VWA3B: variants seen among roughly 807,000 people sequenced by gnomAD.
VWA3B encodes the protein von Willebrand factor A domain-containing protein 3B.
A neutral mutation model predicts 158.3 loss-of-function variants in VWA3B; 138 were observed. That is an observed-to-expected ratio of 0.87 (90% CI 0.76 to 1.00). VWA3B has a LOEUF of 1.00. Ranked by LOEUF, VWA3B falls within the 50% of genes least tolerant of loss-of-function variation. The pLI, the probability that VWA3B is intolerant of heterozygous loss-of-function variation, is 0.00. For missense variants in VWA3B, 1,555 were observed against 1,565.1 expected (o/e 0.99, Z 0.11); for synonymous variants, 596 against 587.3 (o/e 1.01, Z -0.21).
chr2:98,311,507 A>G (rs943466467), intron 26 of VWA3B, among the ~76,000 whole-genome samples: 4 of 152,226 alleles, frequency 2.6e-5, no homozygotes, highest in African/African-American at 7.2e-5. Context: ...GGGCGGACAC[A>G]GGTCTATGCT....
chr2:98,145,905 A>G lies in VWA3B; in HGVS notation c.988+11966A>G, dbSNP rs574815869. Reference sequence around the variant, plus strand: ...CAGATAATTTTTTATTTTTGCAGAGATTAGGGTTGGGTTTTGGGGGGATCT... The same window carrying G: ...CAGATAATTTTTTATTTTTGCAGAGGTTAGGGTTGGGTTTTGGGGGGATCT... On this transcript the variant is annotated intron_variant, in intron 7 of 27. Coordinates refer to ENST00000477737, the MANE Select transcript of VWA3B (RefSeq NM_144992.5). 1.8e-3 allele frequency among the ~76,000 whole-genome samples: 270 copies of G among 151,894 alleles called. 1 individual carries two copies. The highest frequency in any genetic ancestry group is 6.3e-3 in the African/African-American group (259 of 41,426).
At chr2:98,330,314 G>A in the VWA3B span, among the ~76,000 whole-genome samples, 2 of 152,168 alleles carry the variant, frequency 1.3e-5, no homozygotes, top group Non-Finnish European at 2.9e-5. Context: ...TGGTGGTCCG[G>A]AGACTTATAG....
At chr2:98,131,411 A>G (rs1006379668) in intron 6 of VWA3B, among the ~76,000 whole-genome samples, 2 of 152,234 alleles carry the variant, frequency 1.3e-5, no homozygotes, top group African/African-American at 4.8e-5. Context: ...TAATAAACAC[A>G]GGGTGCAGAT....
the VWA3B span, among the ~76,000 whole-genome samples, chr2:98,320,039 A>G: frequency 6.6e-6 from 1 of 152,146 alleles, no homozygotes; most frequent in Admixed American, 6.5e-5. Context: ...TCCCCACCCA[A>G]ATCTCATCTT....
intron 8 of VWA3B, among the ~76,000 whole-genome samples, chr2:98,170,756 G>A (rs745413768): frequency 2.6e-5 from 4 of 152,032 alleles, no homozygotes; most frequent in African/African-American, 4.8e-5. Context: ...ACAGGTGTGC[G>A]CCACCATGCC....
At chr2:98,163,123 T>G (rs1573950413) in intron 8 of VWA3B, 147 bp downstream of exon 8, 1 of 1,330,444 alleles carries the variant, frequency 7.5e-7, no homozygotes, top group Non-Finnish European at 1.0e-6. Context: ...CTGTGTGGGG[T>G]GAGGGGTGGG....
chr2:98,170,512 G>A (rs1679493642), intron 8 of VWA3B, among the ~76,000 whole-genome samples: 1 of 152,176 alleles, frequency 6.6e-6, no homozygotes, highest in Admixed American at 6.5e-5. Flanking sequence ...TGGAGAGGGG[G>A]ATGGTGCTTA....
chr2:98,116,337 A>AAGT (rs1362538472), intron 3 of VWA3B, among the ~76,000 whole-genome samples: 3 of 152,120 alleles, frequency 2.0e-5, no homozygotes, highest in Non-Finnish European at 4.4e-5. Context: ...TAGAAAATTT[A>AAGT]AGTTACTTTT....
At position 98,222,673 on chromosome 2, in the gene VWA3B, C is replaced by T. The variant is rs1426301903; in HGVS notation, c.2019+4645C>T. Among the ~76,000 whole-genome samples, 4 of 152,278 alleles carry T rather than the reference C, an allele frequency of 2.6e-5. No homozygotes were observed. In the East Asian group the frequency reaches 5.8e-4, roughly 22 times the overall value. On this transcript the variant is annotated intron_variant, in intron 14 of 27. Transcript: ENST00000477737. ...TACCAAGAGACACCTGGAAGCCTGA[C>T]GGAGGGAAACGCCTCCTGTCTCTTC...
intron 2 of VWA3B, among the ~76,000 whole-genome samples, chr2:98,109,308 T>C (rs1673949025): frequency 6.6e-6 from 1 of 152,206 alleles, no homozygotes; most frequent in South Asian, 2.1e-4. Context: ...TTTTCTATTG[T>C]ATATCTTCAT....
At chr2:98,140,536 C>T (rs546145396) in intron 7 of VWA3B, among the ~76,000 whole-genome samples, 3 of 152,278 alleles carry the variant, frequency 2.0e-5, no homozygotes, top group South Asian at 2.1e-4. Context: ...GTGGGTGTTC[C>T]GTTAAGGAGG....
At chr2:98,318,216 A>C (rs1691128280), downstream of VWA3B, among the ~76,000 whole-genome samples, 1 of 152,158 alleles carries the variant, frequency 6.6e-6, no homozygotes, top group African/African-American at 2.4e-5. Flanking sequence ...CAATCCCATT[A>C]CTCGCTTTAT....
chr2:98,240,991 C>A (rs1686040110), intron 19 of VWA3B, among the ~76,000 whole-genome samples: 1 of 152,124 alleles, frequency 6.6e-6, no homozygotes, highest in Admixed American at 6.5e-5. Context: ...AACATTCCTA[C>A]CCAAGCACAA....
chr2:98,130,818 CTCTT>C (rs1277315204), intron 6 of VWA3B, among the ~76,000 whole-genome samples: 2 of 152,212 alleles, frequency 1.3e-5, no homozygotes, highest in Non-Finnish European at 2.9e-5. Context: ...AATCTGATCT[CTCTT>C]TTCGCCACAG....
intron 26 of VWA3B, among the ~76,000 whole-genome samples, chr2:98,307,025 G>T (rs552514105): frequency 6.6e-6 from 1 of 152,332 alleles, no homozygotes; most frequent in African/African-American, 2.4e-5. Flanking sequence ...GTCTGATTTT[G>T]TGTCTGAGCT....
intron 22 of VWA3B, among the ~76,000 whole-genome samples, chr2:98,287,213 C>T (rs1344748325): frequency 6.6e-6 from 1 of 152,066 alleles, no homozygotes; most frequent in African/African-American, 2.4e-5. Context: ...TGTCTGGACC[C>T]TTGTGCCTAT....
At position 98,303,773 on chromosome 2, in the gene VWA3B, G is replaced by A; in HGVS notation, c.3492G>A (p.Lys1164=). 6.2e-7 allele frequency: 1 copy of A among 1,614,112 alleles called. No homozygotes were observed. The highest frequency in any genetic ancestry group is 1.1e-5 in the South Asian group (1 of 91,074). The change falls in exon 26 of 28, where the codon AAG becomes AAA. Residue 1164 remains lysine, a synonymous_variant. Coordinates refer to ENST00000477737, the MANE Select transcript of VWA3B (RefSeq NM_144992.5). ...NKYALSCSHI[K]SPPIPEDPEV... is the part of the protein sequence containing the mutation. The stretch of plus-strand genomic sequence containing the variant: ...ATGCGCTCTCTTGCTCTCATATAAA[G>A]TCACCCCCAATTCCTGAGGATCCAG...
At chr2:98,199,652 G>A (rs1204470441) in intron 12 of VWA3B, among the ~76,000 whole-genome samples, 1 of 152,130 alleles carries the variant, frequency 6.6e-6, no homozygotes, top group African/African-American at 2.4e-5. Flanking sequence ...TCCAGAGTTA[G>A]GTATTATCTT....
chr2:98,189,033 T>C (rs954991504), intron 10 of VWA3B, among the ~76,000 whole-genome samples: 1 of 152,234 alleles, frequency 6.6e-6, no homozygotes, highest in Non-Finnish European at 1.5e-5. Flanking sequence ...GATTTTGATA[T>C]ATTGTATTTC....
Sources: gnomAD v4.1 joint callset for allele counts (sites outside exome capture counted in the v4.1 genomes callset) on GRCh38, gnomAD v4.1.1 for gene constraint, MANE v1.5 for transcripts, NCBI Gene and HGNC (gene_info 2026-07-23, HGNC 2026-07-21) for gene names.